The following FBXL7 variants were observed in gnomAD, a reference collection of about 807,000 sequenced individuals.
FBXL7 encodes the protein F-box and leucine rich repeat protein 7.
In FBXL7, 12 loss-of-function variants were observed where a neutral mutation model predicts 38.3. The observed-to-expected ratio is 0.31, with a 90% CI of 0.20 to 0.51. The LOEUF is 0.51. Ranked by LOEUF, FBXL7 falls within the 20% of genes least tolerant of loss-of-function variation. The pLI, the probability that FBXL7 is intolerant of heterozygous loss-of-function variation, is 0.98. For missense variants in FBXL7, 567 were observed against 676.4 expected (o/e 0.84, Z 1.79); for synonymous variants, 297 against 300.9 (o/e 0.99, Z 0.13).
At chr5:15,830,537 CA>C (rs1266278816) in intron 2 of FBXL7, among the ~76,000 whole-genome samples, 2 of 148,884 alleles carry the variant, frequency 1.3e-5, no homozygotes, top group African/African-American at 2.5e-5. Context: ...GAAAATTTTG[CA>C]AAGGTTAGAC....
intron 1 of FBXL7, among the ~76,000 whole-genome samples, chr5:15,501,005 C>G (rs1158474007): frequency 6.6e-6 from 1 of 152,172 alleles, no homozygotes. Flanking sequence ...AACCTTCCTT[C>G]CCTGGGCATC....
intron 2 of FBXL7, among the ~76,000 whole-genome samples, chr5:15,755,441 T>G (rs1165533212): frequency 2.0e-5 from 3 of 152,164 alleles, no homozygotes; most frequent in Non-Finnish European, 4.4e-5. Flanking sequence ...TCTCTCTCTC[T>G]TTCTCTCTGT....
chr5:15,564,421 T>C (rs900778968), intron 1 of FBXL7, among the ~76,000 whole-genome samples: 3 of 151,250 alleles, frequency 2.0e-5, no homozygotes, highest in African/African-American at 7.3e-5. Flanking sequence ...TGTGTATGTG[T>C]ATACAATATG....
At chr5:15,841,307 A>G (rs1388258811) in intron 2 of FBXL7, among the ~76,000 whole-genome samples, 4 of 152,076 alleles carry the variant, frequency 2.6e-5, no homozygotes, top group Non-Finnish European at 5.9e-5. Context: ...ATTAAATTTG[A>G]CCTATGTTAG....
At chr5:15,675,265 A>G (rs369616210) in intron 2 of FBXL7, among the ~76,000 whole-genome samples, 2 of 152,354 alleles carry the variant, frequency 1.3e-5, no homozygotes, top group Admixed American at 1.3e-4. Context: ...TATGAAATAT[A>G]CTTGTATCCC....
intron 2 of FBXL7, among the ~76,000 whole-genome samples, chr5:15,875,250 G>A (rs143626935): frequency 2.2e-3 from 329 of 152,096 alleles, no homozygotes; most frequent in Middle Eastern, 0.017. Context: ...TACATCTTAC[G>A]CAAAAATTAA....
chr5:15,849,358 T>C lies in FBXL7; in HGVS notation c.128-78532T>C, dbSNP rs542957294. ...TAGAATTAGCGAATTAGAAACAAAT[T>C]CCTTGATATGGTTTGCTGTGCCCCC... On this transcript the variant is annotated intron_variant, in intron 2 of 3. Coordinates refer to ENST00000504595, the MANE Select transcript of FBXL7 (RefSeq NM_012304.5). 3.1e-3 allele frequency among the ~76,000 whole-genome samples: 469 copies of C among 152,302 alleles called. 3 individuals carry two copies. The highest frequency in any genetic ancestry group is 0.011 in the African/African-American group (456 of 41,564).
chr5:15,790,708 C>A (rs1737250887), intron 2 of FBXL7, among the ~76,000 whole-genome samples: 1 of 152,124 alleles, frequency 6.6e-6, no homozygotes, highest in Admixed American at 6.5e-5. Flanking sequence ...AGAGCAGCTT[C>A]CCTGACATTT....
At chr5:15,914,491 T>G (rs1741530507) in intron 2 of FBXL7, among the ~76,000 whole-genome samples, 1 of 151,572 alleles carries the variant, frequency 6.6e-6, no homozygotes, top group African/African-American at 2.4e-5. Context: ...ATGCTTTAGG[T>G]GATGTGGGCT....
chr5:15,605,186 C>T (rs1465866331), intron 1 of FBXL7, among the ~76,000 whole-genome samples: 1 of 152,108 alleles, frequency 6.6e-6, no homozygotes, highest in Non-Finnish European at 1.5e-5. Flanking sequence ...GTGCCTTGTT[C>T]CTCTGCTCCA....
intron 1 of FBXL7, among the ~76,000 whole-genome samples, chr5:15,550,661 C>G (rs1219166094): frequency 6.6e-6 from 1 of 152,236 alleles, no homozygotes; most frequent in Non-Finnish European, 1.5e-5. Context: ...AGCCATCAAA[C>G]TGCTTTAAAC....
intron 1 of FBXL7, among the ~76,000 whole-genome samples, chr5:15,550,293 T>G (rs1218180814): frequency 6.6e-6 from 1 of 152,202 alleles, no homozygotes; most frequent in Non-Finnish European, 1.5e-5. Context: ...AGCTGGTGGC[T>G]GGAATGAAAA....
intron 2 of FBXL7, among the ~76,000 whole-genome samples, chr5:15,657,982 T>C: frequency 6.6e-6 from 1 of 152,178 alleles, no homozygotes; most frequent in East Asian, 1.9e-4. Flanking sequence ...TATGAGCCTC[T>C]GTGACTTTGG....
At chr5:15,608,425 G>A (rs1008615115) in intron 1 of FBXL7, among the ~76,000 whole-genome samples, 2 of 152,198 alleles carry the variant, frequency 1.3e-5, no homozygotes, top group Non-Finnish European at 2.9e-5. Context: ...CATGTTGCTT[G>A]GAAGTGGTAG....
chr5:15,905,775 G>T (rs982313790), intron 2 of FBXL7, among the ~76,000 whole-genome samples: 1 of 152,052 alleles, frequency 6.6e-6, no homozygotes, highest in East Asian at 1.9e-4. Context: ...GATGTGGCTT[G>T]GGGGACACAT....
intron 2 of FBXL7, among the ~76,000 whole-genome samples, chr5:15,732,426 A>G (rs1735614731): frequency 6.6e-6 from 1 of 152,232 alleles, no homozygotes; most frequent in Non-Finnish European, 1.5e-5. Flanking sequence ...CTATTTTATT[A>G]ATTAAAAGAT....
chr5:15,870,034 C>A (rs1441238415), intron 2 of FBXL7, among the ~76,000 whole-genome samples: 1 of 152,088 alleles, frequency 6.6e-6, no homozygotes, highest in Non-Finnish European at 1.5e-5. Flanking sequence ...CACTTAAACC[C>A]AGGAGCTTAA....
In FBXL7 at chr5:15,647,067, T is replaced by C. The variant is rs149562252; in HGVS notation, c.127+30995T>C. 1.9e-4 allele frequency among the ~76,000 whole-genome samples: 29 copies of C among 152,354 alleles called. 1 individual carries two copies. The East Asian group carries it at 3.9e-3, about 20-fold the overall frequency. ...AAGCCTAGGGACTGTGGAACTCTTA[T>C]ATTAGATTTGGTTAACTTTAGGAAG... is the stretch of plus-strand genomic sequence containing the variant. On this transcript the variant is annotated intron_variant, in intron 2 of 3. Coordinates refer to ENST00000504595, the MANE Select transcript of FBXL7 (RefSeq NM_012304.5).
intron 2 of FBXL7, among the ~76,000 whole-genome samples, chr5:15,656,601 T>A (rs1161446639): frequency 6.6e-6 from 1 of 151,984 alleles, no homozygotes; most frequent in Non-Finnish European, 1.5e-5. Context: ...CCACAACAAT[T>A]ATGGGAGTTA....
Sources: gnomAD v4.1 joint callset for allele counts (sites outside exome capture counted in the v4.1 genomes callset) on GRCh38, gnomAD v4.1.1 for gene constraint, MANE v1.5 for transcripts, NCBI Gene and HGNC (gene_info 2026-07-23, HGNC 2026-07-21) for gene names.